The following PRELID2 variants were observed in gnomAD, a reference collection of about 807,000 sequenced individuals.
The protein encoded by PRELID2 is PRELI domain containing 2.
Under a neutral mutation model 28.4 loss-of-function variants are expected in PRELID2, and 25 were observed. The ratio of observed to expected loss-of-function variants is 0.88; its 90% CI spans 0.64 to 1.23. PRELID2 has a LOEUF of 1.23. Among genes scored for constraint, PRELID2 ranks in the 50% most tolerant of loss-of-function variants. PRELID2 has a pLI of 0.00. For missense variants in PRELID2, 201 were observed against 214.4 expected (o/e 0.94, Z 0.39); for synonymous variants, 76 against 71.6 (o/e 1.06, Z -0.31).
At chr5:145,730,812 C>T (rs1756320968) in intron 1 of PRELID2, among the ~76,000 whole-genome samples, 2 of 152,282 alleles carry the variant, frequency 1.3e-5, no homozygotes, top group African/African-American at 2.4e-5. Flanking sequence ...CAGAGACAGG[C>T]TAGCCCTAAG....
intron 1 of PRELID2, among the ~76,000 whole-genome samples, chr5:145,559,321 T>C (rs890028062): frequency 6.6e-6 from 1 of 151,972 alleles, no homozygotes; most frequent in South Asian, 2.1e-4. Flanking sequence ...GAAATGATTT[T>C]ATAAATTAGG....
the PRELID2 span, among the ~76,000 whole-genome samples, chr5:145,456,912 C>G: frequency 6.6e-6 from 1 of 152,032 alleles, no homozygotes; most frequent in Non-Finnish European, 1.5e-5. Flanking sequence ...AGTGACTTGC[C>G]CATCATCAAT....
chr5:145,462,382 T>C, the PRELID2 span, among the ~76,000 whole-genome samples: 1 of 152,234 alleles, frequency 6.6e-6, no homozygotes, highest in Non-Finnish European at 1.5e-5. Context: ...ATGTCAATCA[T>C]TGTTCAGTAA....
At position 145,758,874 on chromosome 5, in the gene PRELID2, C is replaced by T. The variant is rs1757341988; in HGVS notation, c.*1662G>A. 6.6e-6 allele frequency: 1 copy of T among 151,650 alleles called. No individual in the cohort carries two copies. The highest frequency in any genetic ancestry group is 1.9e-4 in the East Asian group (1 of 5,170). 9.4% of individuals were successfully genotyped at this position (151,650 alleles called of 1,614,324 possible). ...AGCTCAGATACAATAAGAACAGGCT[C>T]ACAGTGGCAGGCTTGTATGAAAAAA... On this transcript the variant is annotated 3_prime_UTR_variant, in exon 7 of 7. Transcript: ENST00000683046.
chr5:145,259,427 C>T, the PRELID2 span, among the ~76,000 whole-genome samples: 3 of 152,152 alleles, frequency 2.0e-5, no homozygotes, highest in African/African-American at 7.2e-5. Context: ...CCTACAAAGC[C>T]ATAGGGGCAG....
At chr5:145,416,238 C>T in the PRELID2 span, among the ~76,000 whole-genome samples, 1 of 151,962 alleles carries the variant, frequency 6.6e-6, no homozygotes, top group African/African-American at 2.4e-5. Context: ...AACTGGATCC[C>T]TTCCTTACAC....
intron 1 of PRELID2, among the ~76,000 whole-genome samples, chr5:145,617,795 G>C (rs10052169): frequency 0.016 from 2,344 of 150,658 alleles, 65 homozygotes; most frequent in African/African-American, 0.054. Flanking sequence ...GTGAAATGGC[G>C]CTATCTTTGC....
intron 1 of PRELID2, among the ~76,000 whole-genome samples, chr5:145,530,404 A>T (rs544105936): frequency 1.6e-4 from 24 of 152,214 alleles, no homozygotes; most frequent in Admixed American, 7.2e-4. Flanking sequence ...TCAGAGGAGG[A>T]GTTCCACAGG....
intron 1 of PRELID2, among the ~76,000 whole-genome samples, chr5:145,690,264 A>G (rs760123385): frequency 1.6e-4 from 25 of 152,168 alleles, no homozygotes; most frequent in Admixed American, 2.0e-4. Flanking sequence ...AAATGCTGGG[A>G]TAACAGGCCA....
chr5:145,487,740 A>T (rs1295321523), intron 1 of PRELID2, among the ~76,000 whole-genome samples: 1 of 152,120 alleles, frequency 6.6e-6, no homozygotes, highest in Non-Finnish European at 1.5e-5. Flanking sequence ...GGAGGAAGGA[A>T]GGGTATCAGG....
the PRELID2 span, among the ~76,000 whole-genome samples, chr5:145,386,690 T>A: frequency 6.6e-6 from 1 of 152,230 alleles, no homozygotes; most frequent in Non-Finnish European, 1.5e-5. Flanking sequence ...GCATTATTTG[T>A]ATTGTTTACA....
chr5:145,609,586 A>G (rs997228886), intron 1 of PRELID2, among the ~76,000 whole-genome samples: 5 of 152,220 alleles, frequency 3.3e-5, no homozygotes, highest in African/African-American at 1.2e-4. Flanking sequence ...TGCAGAGTTT[A>G]GGCATAAGTG....
the PRELID2 span, among the ~76,000 whole-genome samples, chr5:145,249,927 CT>C: frequency 6.6e-6 from 1 of 151,080 alleles, no homozygotes; most frequent in African/African-American, 2.5e-5. Flanking sequence ...CCCTCTCTCT[CT>C]CTCTCTCTGT....
chr5:145,244,886 G>T, the PRELID2 span, among the ~76,000 whole-genome samples: 1 of 151,946 alleles, frequency 6.6e-6, no homozygotes, highest in South Asian at 2.1e-4. Flanking sequence ...TGCAGTATAT[G>T]AGTCTTCCTC....
chr5:145,418,017 C>A, the PRELID2 span, among the ~76,000 whole-genome samples: 2 of 152,168 alleles, frequency 1.3e-5, no homozygotes, highest in African/African-American at 2.4e-5. Flanking sequence ...CCAAAATTTT[C>A]TTAAGCTGAG....
the PRELID2 span, among the ~76,000 whole-genome samples, chr5:145,400,149 T>G: frequency 6.6e-6 from 1 of 152,178 alleles, no homozygotes; most frequent in Non-Finnish European, 1.5e-5. Flanking sequence ...ATTATGCAAG[T>G]GATGACTATT....
intron 1 of PRELID2, among the ~76,000 whole-genome samples, chr5:145,733,015 G>A (rs968223624): frequency 3.3e-5 from 5 of 151,204 alleles, no homozygotes; most frequent in African/African-American, 1.2e-4. Context: ...TCAAATTCTC[G>A]GTGGAAGAAT....
chr5:145,726,000 T>G (rs187278668), intron 1 of PRELID2, among the ~76,000 whole-genome samples: 2 of 152,010 alleles, frequency 1.3e-5, no homozygotes, highest in African/African-American at 2.4e-5. Flanking sequence ...TAGGGCAACA[T>G]AGTGAGACCC....
chr5:145,459,185 C>A, the PRELID2 span, among the ~76,000 whole-genome samples: 1 of 152,140 alleles, frequency 6.6e-6, no homozygotes, highest in African/African-American at 2.4e-5. Context: ...AAAATATCCC[C>A]CAGAAAATTC....
Sources: gnomAD v4.1 joint callset for allele counts (sites outside exome capture counted in the v4.1 genomes callset) on GRCh38, gnomAD v4.1.1 for gene constraint, MANE v1.5 for transcripts, NCBI Gene and HGNC (gene_info 2026-07-23, HGNC 2026-07-21) for gene names.